The following B4GALT1 variants were observed in gnomAD, a reference collection of about 807,000 sequenced individuals.
B4GALT1 encodes beta-1,4-galactosyltransferase 1.
In B4GALT1, 16 loss-of-function variants were observed where a neutral mutation model predicts 34.9. That is an observed-to-expected ratio of 0.46 (90% CI 0.31 to 0.70). The LOEUF (loss-of-function observed/expected upper bound fraction) is 0.70. B4GALT1 is among the 30% of genes least tolerant of loss of function. The probability of loss-of-function intolerance (pLI) is 0.05; values close to 1 mark genes in which losing one functional copy is unlikely to be tolerated. For missense variants in B4GALT1, 445 were observed against 530.5 expected, an observed-to-expected ratio of 0.84 and a Z score of 1.58; for synonymous variants, 221 against 218.1, an observed-to-expected ratio of 1.01 and a Z score of -0.12.
At chr9:33,128,083 T>C (rs1292760167) in intron 2 of B4GALT1, among the ~76,000 whole-genome samples, 1 of 151,982 alleles carries the variant, frequency 6.6e-6, no homozygotes, top group African/African-American at 2.4e-5. Context: ...GCAGCGGTAG[T>C]TAGGTCGGCA....
rs1281475993 is a variant in B4GALT1 at position 33,166,805 on chromosome 9, G to A, written c.365C>T (p.Thr122Ile). 1 of 1,543,292 alleles carries A rather than the reference G, an allele frequency of 6.5e-7. No individual in the cohort carries two copies. Among genetic ancestry groups the A allele is most frequent in the South Asian group, 1.2e-5 (1 of 81,836 alleles). ...SNLTSVPVPHTTALSLPACPE... is the reference protein window; with the variant it reads ...SNLTSVPVPHITALSLPACPE... ...GCAGGCGGGCAGCGACAGTGCGGTG[G>A]TGTGGGGCACTGGGACCGAGGTCAA... Residue 122 changes from threonine (T) to isoleucine (I), a missense_variant, in exon 1 of 6, where the codon ACC becomes ATC. By Grantham distance (89) the Thr-to-Ile change is moderately conservative (BLOSUM62 -1). Transcript: ENST00000379731.
chr9:33,165,935 A>C (rs1364360194), intron 1 of B4GALT1, among the ~76,000 whole-genome samples: 1 of 152,168 alleles, frequency 6.6e-6, no homozygotes, highest in African/African-American at 2.4e-5. Context: ...CTGCTACCGG[A>C]AGTACCAGAA....
chr9:33,113,934 G>C (rs548998605), intron 4 of B4GALT1, 56 bp from the exon 5 acceptor site: 3 of 1,514,336 alleles, frequency 2.0e-6, no homozygotes, highest in Non-Finnish European at 2.8e-6. Context: ...CTTGGCCTGA[G>C]AGCCCCGGCT....
At chr9:33,134,794 T>G (rs149163024) in intron 2 of B4GALT1, among the ~76,000 whole-genome samples, 1 of 152,226 alleles carries the variant, frequency 6.6e-6, no homozygotes, top group Non-Finnish European at 1.5e-5. Context: ...TGGATAAACT[T>G]TGAAGTTACC....
chr9:33,169,412 A>G (rs530558398), upstream of B4GALT1, among the ~76,000 whole-genome samples: 3 of 152,072 alleles, frequency 2.0e-5, no homozygotes, highest in Admixed American at 2.0e-4. Context: ...CTTGTCCCCA[A>G]TATTTCATTC....
At chr9:33,141,102 C>T (rs1421778858) in intron 1 of B4GALT1, among the ~76,000 whole-genome samples, 1 of 152,222 alleles carries the variant, frequency 6.6e-6, no homozygotes, top group Admixed American at 6.5e-5. Context: ...CACAGCACCA[C>T]ATCCATTCAT....
At chr9:33,153,033 T>C (rs1564051835) in intron 1 of B4GALT1, among the ~76,000 whole-genome samples, 1 of 152,074 alleles carries the variant, frequency 6.6e-6, no homozygotes, top group East Asian at 1.9e-4. Flanking sequence ...GACTCCCATC[T>C]TGAAAGAAAG....
At chr9:33,132,637 G>A (rs1415957209) in intron 2 of B4GALT1, among the ~76,000 whole-genome samples, 2 of 152,188 alleles carry the variant, frequency 1.3e-5, no homozygotes, top group East Asian at 3.9e-4. Flanking sequence ...GCATGTAGCT[G>A]GCAGAGGACA....
Position 33,111,119 on chromosome 9 carries a change from G to A in B4GALT1, c.*2335C>T, listed in dbSNP as rs993156099. On this transcript the variant is annotated 3_prime_UTR_variant, in exon 6 of 6. Coordinates refer to ENST00000379731, the MANE Select transcript of B4GALT1 (RefSeq NM_001497.4). Reference sequence around the variant, plus strand: ...TCTCACGGACCAGGCAAACATCCAGGCCTAACTGTGCCCTGGCTGTGCCTT... The same window carrying A: ...TCTCACGGACCAGGCAAACATCCAGACCTAACTGTGCCCTGGCTGTGCCTT... 1.3e-5 allele frequency: 2 copies of A among 152,494 alleles called. No homozygotes were observed. The highest frequency in any genetic ancestry group is 2.4e-5 in the African/African-American group (1 of 41,392). 9.4% of individuals were successfully genotyped at this position (152,494 alleles called of 1,614,324 possible). A position where few individuals can be genotyped will look rare whatever the true frequency, so the allele number is the denominator to read the frequency against.
chr9:33,147,126 T>G (rs552302312), intron 1 of B4GALT1, among the ~76,000 whole-genome samples: 50 of 152,332 alleles, frequency 3.3e-4, no homozygotes, highest in Non-Finnish European at 6.0e-4. Flanking sequence ...ATAACCTCTC[T>G]AAACTTTGTT....
At chr9:33,124,954 A>G (rs930866482) in intron 2 of B4GALT1, among the ~76,000 whole-genome samples, 3 of 152,224 alleles carry the variant, frequency 2.0e-5, no homozygotes, top group Non-Finnish European at 4.4e-5. Context: ...AAGAGAAGCC[A>G]GCATGCTGGG....
chr9:33,153,431 A>C (rs1840551071), intron 1 of B4GALT1, among the ~76,000 whole-genome samples: 1 of 152,252 alleles, frequency 6.6e-6, no homozygotes, highest in Admixed American at 6.5e-5. Flanking sequence ...TAATGAACTC[A>C]AAGTTGGTCC....
chr9:33,115,099 A>G (rs562907752), intron 4 of B4GALT1, among the ~76,000 whole-genome samples: 141 of 152,338 alleles, frequency 9.3e-4, no homozygotes, highest in Admixed American at 9.8e-4. Context: ...CAGATGTTCA[A>G]TGTGCACACA....
chr9:33,164,970 ATTTTTT>A (rs534464885), intron 1 of B4GALT1, among the ~76,000 whole-genome samples: 1 of 107,558 alleles, frequency 9.3e-6, no homozygotes, highest in East Asian at 2.6e-4. Flanking sequence ...GAGTGCCCGT[ATTTTTT>A]TTTTTTTTTT....
intron 1 of B4GALT1, among the ~76,000 whole-genome samples, chr9:33,164,183 G>A (rs548733418): frequency 2.6e-5 from 4 of 152,284 alleles, no homozygotes; most frequent in South Asian, 2.1e-4. Flanking sequence ...AAGCCAAGTC[G>A]GGGAAAGGAA....
intron 2 of B4GALT1, among the ~76,000 whole-genome samples, chr9:33,123,530 G>GTA (rs1166163212): frequency 6.6e-6 from 1 of 152,016 alleles, no homozygotes; most frequent in Non-Finnish European, 1.5e-5. Context: ...GCAAAGGGAG[G>GTA]TATACCAACA....
intron 2 of B4GALT1, among the ~76,000 whole-genome samples, chr9:33,125,539 G>A (rs144030043): frequency 2.2e-4 from 34 of 152,310 alleles, no homozygotes; most frequent in Admixed American, 5.2e-4. Context: ...CAACAACCGT[G>A]GGTAAGCAGA....
chr9:33,126,616 C>T (rs995088870), intron 2 of B4GALT1, among the ~76,000 whole-genome samples: 2 of 152,236 alleles, frequency 1.3e-5, no homozygotes, highest in Non-Finnish European at 2.9e-5. Flanking sequence ...CTATTGTTAA[C>T]CATAGTTAAC....
chr9:33,140,495 T>A (rs1044249334), intron 1 of B4GALT1, among the ~76,000 whole-genome samples: 98 of 151,542 alleles, frequency 6.5e-4, no homozygotes, highest in Admixed American at 1.1e-3. Context: ...AAATTTAATT[T>A]AAAAAAAAAA....
Sources: allele counts gnomAD v4.1 joint callset (sites outside exome capture counted in the v4.1 genomes callset), GRCh38; gene constraint gnomAD v4.1.1; transcripts MANE v1.5; gene names NCBI Gene and HGNC (gene_info 2026-07-23, HGNC 2026-07-21).